The following PRKCB variants were observed in gnomAD, a reference collection of about 807,000 sequenced individuals.
The protein encoded by PRKCB is protein kinase C beta.
In PRKCB, 13 loss-of-function variants were observed where a neutral mutation model predicts 81.5. The ratio of observed to expected loss-of-function variants is 0.16; its 90% CI spans 0.10 to 0.25. The LOEUF is 0.25. Ranked by LOEUF, PRKCB falls within the 10% of genes least tolerant of loss-of-function variation. The pLI, the probability that PRKCB is intolerant of heterozygous loss-of-function variation, is 1.00. For missense variants in PRKCB, 509 were observed against 875.7 expected, an observed-to-expected ratio of 0.58 and a Z score of 5.29; for synonymous variants, 335 against 321.4, an observed-to-expected ratio of 1.04 and a Z score of -0.45.
chr16:23,875,502 T>TAATGTATATCACACAC (rs1567298286), intron 2 of PRKCB, among the ~76,000 whole-genome samples: 915 of 22,188 alleles, frequency 0.041, 101 homozygotes, highest in South Asian at 0.12. Flanking sequence ...TATATATATA[T>TAATGTATATCACACAC]ATATGATGTA....
At chr16:23,991,587 T>C (rs1250257548) in intron 3 of PRKCB, among the ~76,000 whole-genome samples, 2 of 152,200 alleles carry the variant, frequency 1.3e-5, no homozygotes, top group African/African-American at 2.4e-5. Flanking sequence ...AACTGACTTA[T>C]ATGAAAAGGA....
chr16:23,982,085 CTTCCCTTTCCT>C (rs1964734074), intron 2 of PRKCB, among the ~76,000 whole-genome samples: 1 of 80,892 alleles, frequency 1.2e-5, no homozygotes, highest in Non-Finnish European at 2.3e-5. Flanking sequence ...TTCCCTTTCC[CTTCCCTTTCCT>C]TTTCCCTTCC....
At chr16:24,141,290 G>T (rs1028726844) in intron 9 of PRKCB, among the ~76,000 whole-genome samples, 1 of 152,110 alleles carries the variant, frequency 6.6e-6, no homozygotes, top group African/African-American at 2.4e-5. Flanking sequence ...CACCTCCCAG[G>T]TTCAAGTGAT....
At chr16:24,023,010 C>T (rs1054192053) in intron 3 of PRKCB, among the ~76,000 whole-genome samples, 2 of 151,962 alleles carry the variant, frequency 1.3e-5, no homozygotes, top group Non-Finnish European at 2.9e-5. Flanking sequence ...GCCTGGGTGA[C>T]GAGGATCTGA....
At chr16:24,117,211 C>T (rs1966745881) in intron 8 of PRKCB, among the ~76,000 whole-genome samples, 1 of 152,304 alleles carries the variant, frequency 6.6e-6, no homozygotes, top group Admixed American at 6.5e-5. Flanking sequence ...TACTTTCAAG[C>T]CTCTTATCTG....
intron 16 of PRKCB, among the ~76,000 whole-genome samples, chr16:24,210,752 G>A (rs184189927): frequency 3.3e-5 from 5 of 152,106 alleles, no homozygotes; most frequent in East Asian, 1.9e-4. Context: ...CACCATCCTC[G>A]GCCTCTCAAA....
chr16:23,860,796 A>G (rs1453889327), intron 2 of PRKCB, among the ~76,000 whole-genome samples: 1 of 152,034 alleles, frequency 6.6e-6, no homozygotes, highest in African/African-American at 2.4e-5. Flanking sequence ...ACTCCCAGCT[A>G]CTCGGGAGGC....
intron 3 of PRKCB, among the ~76,000 whole-genome samples, chr16:24,027,361 C>T (rs1965494811): frequency 6.6e-6 from 1 of 152,166 alleles, no homozygotes; most frequent in Non-Finnish European, 1.5e-5. Context: ...AGCAGGGGGA[C>T]TCTGATAGGA....
At chr16:23,901,466 A>G (rs758045222) in intron 2 of PRKCB, among the ~76,000 whole-genome samples, 1 of 152,174 alleles carries the variant, frequency 6.6e-6, no homozygotes, top group African/African-American at 2.4e-5. Flanking sequence ...TATCAGCAGG[A>G]AACAGCTTTG....
Position 24,217,477 on chromosome 16 carries a change from C to A in PRKCB, c.*2661C>A, listed in dbSNP as rs1968246458. 4 of 985,430 alleles carry A rather than the reference C, an allele frequency of 4.1e-6. No individual in the cohort carries two copies. Among genetic ancestry groups the A allele is most frequent in the Non-Finnish European group, 4.8e-6 (4 of 829,934 alleles). 61.0% of individuals were successfully genotyped at this position (985,430 alleles called of 1,614,324 possible). A position where few individuals can be genotyped will look rare whatever the true frequency, so the allele number is the denominator to read the frequency against. ...CTCCTTGGATGAGTGCTACTGTTTT[C>A]ACATGGCTTCAGATGCTATCAACCT... On this transcript the variant is annotated 3_prime_UTR_variant, in exon 17 of 17. Transcript: ENST00000643927.
At chr16:23,981,125 T>A (rs1446359482) in intron 2 of PRKCB, among the ~76,000 whole-genome samples, 2 of 152,178 alleles carry the variant, frequency 1.3e-5, no homozygotes, top group Admixed American at 6.5e-5. Context: ...CTTCTAGATG[T>A]CAACATTCTG....
At chr16:23,868,402 ACTGGC>A (rs1408421289) in intron 2 of PRKCB, among the ~76,000 whole-genome samples, 3 of 152,232 alleles carry the variant, frequency 2.0e-5, no homozygotes, top group African/African-American at 7.2e-5. Context: ...TGGGACATGT[ACTGGC>A]ATTAGTAAGA....
At chr16:23,897,505 A>T (rs192498810) in intron 2 of PRKCB, among the ~76,000 whole-genome samples, 70 of 152,358 alleles carry the variant, frequency 4.6e-4, no homozygotes, top group African/African-American at 1.6e-3. Context: ...TAATGCACAC[A>T]TTATAGTGGC....
intron 2 of PRKCB, among the ~76,000 whole-genome samples, chr16:23,904,760 T>A (rs992396081): frequency 1.3e-5 from 2 of 152,130 alleles, no homozygotes; most frequent in Admixed American, 6.6e-5. Flanking sequence ...CAGTTATTGG[T>A]AGTACTCAAA....
chr16:24,169,204 C>G (rs773671940), intron 10 of PRKCB, among the ~76,000 whole-genome samples: 1 of 152,146 alleles, frequency 6.6e-6, no homozygotes, highest in South Asian at 2.1e-4. Context: ...TGTATGAATG[C>G]TGCTTTGGAG....
At chr16:23,930,230 A>G (rs569583070) in intron 2 of PRKCB, among the ~76,000 whole-genome samples, 1 of 152,080 alleles carries the variant, frequency 6.6e-6, no homozygotes, top group Non-Finnish European at 1.5e-5. Context: ...TATGGATTGT[A>G]TGGATGGGCA....
At chr16:23,859,235 A>G (rs1167836854) in intron 2 of PRKCB, among the ~76,000 whole-genome samples, 2 of 152,210 alleles carry the variant, frequency 1.3e-5, no homozygotes. Context: ...CTAGGCTTGA[A>G]GGTCCAGGTT....
At chr16:24,044,697 C>T (rs35551156) in intron 5 of PRKCB, among the ~76,000 whole-genome samples, 1,523 of 152,084 alleles carry the variant, frequency 0.01, 33 homozygotes, top group African/African-American at 0.034. Flanking sequence ...TCTATGGCTG[C>T]TCTTGTGATA....
At chr16:24,127,533 T>C (rs1190740052) in intron 9 of PRKCB, among the ~76,000 whole-genome samples, 1 of 151,790 alleles carries the variant, frequency 6.6e-6, no homozygotes, top group African/African-American at 2.4e-5. Flanking sequence ...CAAAAGTTCA[T>C]GTACTACGCC....
Sources: allele counts gnomAD v4.1 joint callset (sites outside exome capture counted in the v4.1 genomes callset), GRCh38; gene constraint gnomAD v4.1.1; transcripts MANE v1.5; gene names NCBI Gene and HGNC (gene_info 2026-07-23, HGNC 2026-07-21).